BMPER: variants seen among roughly 807,000 people sequenced by gnomAD.
The protein encoded by BMPER is BMP binding endothelial regulator.
A neutral mutation model predicts 87.3 loss-of-function variants in BMPER; 45 were observed. The ratio of observed to expected loss-of-function variants is 0.52; its 90% CI spans 0.41 to 0.66. The LOEUF (loss-of-function observed/expected upper bound fraction) is 0.66. Among genes scored for constraint, BMPER ranks in the 30% least tolerant of loss-of-function variants. The probability of loss-of-function intolerance (pLI) is 0.00; values close to 1 mark genes in which losing one functional copy is unlikely to be tolerated. For missense variants in BMPER, 784 were observed against 867.5 expected, an observed-to-expected ratio of 0.90 and a Z score of 1.21; for synonymous variants, 326 against 316.2, an observed-to-expected ratio of 1.03 and a Z score of -0.33.
At chr7:33,925,128 C>G (rs941777033) in intron 2 of BMPER, among the ~76,000 whole-genome samples, 1 of 152,164 alleles carries the variant, frequency 6.6e-6, no homozygotes, top group African/African-American at 2.4e-5. Context: ...GAGGACATGG[C>G]CCTCCCATGT....
At chr7:34,034,883 G>A (rs1026656249) in intron 6 of BMPER, among the ~76,000 whole-genome samples, 5 of 152,084 alleles carry the variant, frequency 3.3e-5, no homozygotes, top group African/African-American at 1.2e-4. Context: ...CCCTCAGGGT[G>A]GATTTTCTCT....
At chr7:33,930,013 CA>C (rs1163622469) in intron 2 of BMPER, among the ~76,000 whole-genome samples, 2 of 152,162 alleles carry the variant, frequency 1.3e-5, no homozygotes, top group Non-Finnish European at 2.9e-5. Flanking sequence ...CTGGAAATGC[CA>C]CTTTACGTTA....
Position 33,926,130 on chromosome 7 carries a change from C to G in BMPER, c.220-11159C>G, listed in dbSNP as rs184846013. Reference sequence around the variant, plus strand: ...TCTAGGGCAGAAGATGTGTCTGATTCATATTTTCTGTTCCCATCAAAACCT... The same window carrying G: ...TCTAGGGCAGAAGATGTGTCTGATTGATATTTTCTGTTCCCATCAAAACCT... On this transcript the variant is annotated intron_variant, in intron 2 of 14. Coordinates refer to ENST00000649409, the MANE Select transcript of BMPER (RefSeq NM_001365308.1). Among the ~76,000 whole-genome samples the G allele has an allele frequency of 4.6e-3, 704 of 152,266 alleles. 11 individuals are homozygous for G. In the South Asian group the frequency reaches 0.061, roughly 13 times the overall value.
At chr7:34,043,240 G>A (rs1787877313) in intron 6 of BMPER, among the ~76,000 whole-genome samples, 1 of 152,184 alleles carries the variant, frequency 6.6e-6, no homozygotes, top group Admixed American at 6.5e-5. Context: ...TTTCTTGCTT[G>A]TTTCACAGTT....
intron 13 of BMPER, among the ~76,000 whole-genome samples, chr7:34,134,286 C>T (rs1269740386): frequency 6.6e-6 from 1 of 152,138 alleles, no homozygotes; most frequent in African/African-American, 2.4e-5. Context: ...TCTTTTTTAT[C>T]AGCCAGCCTC....
intron 13 of BMPER, among the ~76,000 whole-genome samples, chr7:34,112,555 A>T (rs1238087053): frequency 6.7e-6 from 1 of 149,442 alleles, no homozygotes; most frequent in Non-Finnish European, 1.5e-5. Flanking sequence ...CTTCATCCAG[A>T]GAACTGGTTT....
chr7:33,980,747 A>C (rs910297741), intron 6 of BMPER, among the ~76,000 whole-genome samples: 4 of 152,162 alleles, frequency 2.6e-5, no homozygotes, highest in African/African-American at 9.7e-5. Context: ...GGCCAAGATC[A>C]ATTACTTTGG....
rs1554298268 is a variant in BMPER at position 33,937,513 on chromosome 7, G to GGGGTGTGTGTGTGT, written c.319+126_319+127insGGTGTGTGTGTGTG. 37 of 734,478 alleles carry GGGGTGTGTGTGTGT rather than the reference G, an allele frequency of 5.0e-5. No individual in the cohort carries two copies. The African/African-American group carries it at 5.9e-4, about 12-fold the overall frequency. The allele number at this position is 734,478 out of a possible 1,614,324, so 45.5% of individuals were successfully genotyped here. A position where few individuals can be genotyped will look rare whatever the true frequency, so the allele number is the denominator to read the frequency against. On this transcript the variant is annotated intron_variant, in intron 3 of 14. Transcript: ENST00000649409. ...GCACATGGGTGGGGAGGAGAAGTAG[G>GGGGTGTGTGTGTGT]GTGTGTGTGTGTGTGTGTGTGTGTA...
intron 11 of BMPER, among the ~76,000 whole-genome samples, chr7:34,064,850 C>T (rs1788536064): frequency 6.6e-6 from 1 of 152,234 alleles, no homozygotes; most frequent in African/African-American, 2.4e-5. Flanking sequence ...CTTATTTGTT[C>T]AGATTGAGTT....
chr7:33,968,466 G>A (rs77086031), intron 4 of BMPER, among the ~76,000 whole-genome samples: 2,102 of 152,192 alleles, frequency 0.014, 59 homozygotes, highest in African/African-American at 0.048. Flanking sequence ...ACCTCTCTTT[G>A]CATGCTCTTC....
chr7:33,967,394 C>G (rs1785432028), intron 4 of BMPER, among the ~76,000 whole-genome samples: 1 of 152,168 alleles, frequency 6.6e-6, no homozygotes, highest in African/African-American at 2.4e-5. Context: ...GGATATTTCT[C>G]TTTGCTCTTA....
At chr7:33,908,805 A>T (rs777355170) in intron 2 of BMPER, among the ~76,000 whole-genome samples, 64 of 152,188 alleles carry the variant, frequency 4.2e-4, no homozygotes, top group Non-Finnish European at 7.3e-4. Flanking sequence ...GTGATATGTT[A>T]TCATGACCTT....
At chr7:34,112,215 CCAG>C (rs1461716853) in intron 13 of BMPER, among the ~76,000 whole-genome samples, 1 of 151,938 alleles carries the variant, frequency 6.6e-6, no homozygotes, top group African/African-American at 2.4e-5. Flanking sequence ...ACAATGAAGG[CCAG>C]GCGCGGTGGC....
chr7:33,992,126 A>C (rs1443530689), intron 6 of BMPER, among the ~76,000 whole-genome samples: 2 of 151,838 alleles, frequency 1.3e-5, no homozygotes, highest in Non-Finnish European at 2.9e-5. Context: ...GTAGATGCCT[A>C]TTAGGTCCAC....
intron 1 of BMPER, 69 bp downstream of exon 1, chr7:33,905,815 GCTTGCC>G: frequency 7.2e-7 from 1 of 1,392,580 alleles, no homozygotes; most frequent in Non-Finnish European, 9.9e-7. Context: ...GGTGGCGCTG[GCTTGCC>G]CCGGGGATGG....
chr7:34,086,134 A>G (rs1171932696), intron 13 of BMPER, 42 bp downstream of exon 13: 1 of 1,588,404 alleles, frequency 6.3e-7, no homozygotes, highest in Admixed American at 1.7e-5. Context: ...GTTGCAGACC[A>G]ATAATAGACT....
intron 9 of BMPER, among the ~76,000 whole-genome samples, chr7:34,055,748 A>G (rs1035350762): frequency 1.3e-5 from 2 of 152,178 alleles, no homozygotes; most frequent in African/African-American, 4.8e-5. Flanking sequence ...TCAGATAAGG[A>G]TGTTAATAGT....
chr7:34,141,610 CAAAAAAAAAAA>C (rs70997567), intron 13 of BMPER, among the ~76,000 whole-genome samples: 5 of 54,998 alleles, frequency 9.1e-5, no homozygotes, highest in African/African-American at 3.6e-4. Flanking sequence ...AACACCATCT[CAAAAAAAAAAA>C]AAAAAAAAAA....
At chr7:34,102,103 G>A (rs746769874) in intron 13 of BMPER, among the ~76,000 whole-genome samples, 2 of 151,754 alleles carry the variant, frequency 1.3e-5, no homozygotes, top group Non-Finnish European at 2.9e-5. Flanking sequence ...CACATGACTT[G>A]ATTCAAGGTT....
Sources: gnomAD v4.1 joint callset for allele counts (sites outside exome capture counted in the v4.1 genomes callset) on GRCh38, gnomAD v4.1.1 for gene constraint, MANE v1.5 for transcripts, NCBI Gene and HGNC (gene_info 2026-07-23, HGNC 2026-07-21) for gene names.